LRRTM4: variants seen among roughly 807,000 people sequenced by gnomAD.
LRRTM4 encodes leucine rich repeat transmembrane neuronal 4.
Under a neutral mutation model 47.6 loss-of-function variants are expected in LRRTM4, and 25 were observed. The ratio of observed to expected loss-of-function variants is 0.53; its 90% confidence interval spans 0.38 to 0.73. LRRTM4 has a LOEUF of 0.73. LRRTM4 is among the 30% of genes least tolerant of loss of function. LRRTM4 has a pLI of 0.00. For synonymous variants in LRRTM4, 311 were observed against 269.5 expected, an observed-to-expected ratio of 1.15 and a Z score of -1.51; for missense variants, 638 against 713.4, an observed-to-expected ratio of 0.89 and a Z score of 1.20.
chr2:76,889,956 A>T (rs544312557), intron 3 of LRRTM4, among the ~76,000 whole-genome samples: 1 of 152,034 alleles, frequency 6.6e-6, no homozygotes, highest in Non-Finnish European at 1.5e-5. Flanking sequence ...CTGTTCTGTG[A>T]CCTAGTTGTA....
intron 3 of LRRTM4, among the ~76,000 whole-genome samples, chr2:77,291,207 G>A (rs1676813878): frequency 6.6e-6 from 1 of 151,920 alleles, no homozygotes; most frequent in Non-Finnish European, 1.5e-5. Context: ...GATTTATTAT[G>A]TCTCTCTGGT....
intron 3 of LRRTM4, among the ~76,000 whole-genome samples, chr2:77,103,662 T>TATATAC (rs1671017971): frequency 6.9e-6 from 1 of 145,302 alleles, no homozygotes; most frequent in African/African-American, 2.6e-5. Context: ...TATATATATA[T>TATATAC]AGATATATAT....
rs200272206 is a variant in LRRTM4, at chr2:77,170,796, A to G, written c.1551+347522T>C. Among the ~76,000 whole-genome samples, 132 of 139,866 alleles carry G rather than the reference A, an allele frequency of 9.4e-4. 1 individual carries two copies. In the Middle Eastern group the frequency reaches 0.012, roughly 12 times the overall value. The allele number at this position is 139,866 out of a possible 152,430, so 91.8% of individuals were successfully genotyped here. ...AGGAATTTCTTTCTTAGTTTTTTCTATGTCACTCAAAAAAAGGGTATGTAT... is the reference window on the plus strand; with the variant it reads ...AGGAATTTCTTTCTTAGTTTTTTCTGTGTCACTCAAAAAAAGGGTATGTAT... On this transcript the variant is annotated intron_variant, in intron 3 of 3. Transcript: ENST00000409884.
At chr2:77,103,217 C>A (rs147080662) in intron 3 of LRRTM4, among the ~76,000 whole-genome samples, 1 of 152,058 alleles carries the variant, frequency 6.6e-6, no homozygotes, top group Non-Finnish European at 1.5e-5. Context: ...AAGCTGCTAA[C>A]AAGGGAGGCT....
At chr2:77,342,509 T>C (rs1039631270) in intron 3 of LRRTM4, among the ~76,000 whole-genome samples, 2 of 151,942 alleles carry the variant, frequency 1.3e-5, no homozygotes, top group Admixed American at 6.6e-5. Context: ...GCTTAAAGTC[T>C]CCAGTTTGCC....
chr2:77,243,743 T>G (rs993600916), intron 3 of LRRTM4, among the ~76,000 whole-genome samples: 4 of 148,222 alleles, frequency 2.7e-5, no homozygotes, highest in Non-Finnish European at 5.9e-5. Flanking sequence ...AAGGGATAAT[T>G]GATACCATAT....
At chr2:77,189,823 A>G (rs1389953038) in intron 3 of LRRTM4, among the ~76,000 whole-genome samples, 1 of 152,124 alleles carries the variant, frequency 6.6e-6, no homozygotes, top group Non-Finnish European at 1.5e-5. Context: ...ATATAGTTAT[A>G]TACATAACTA....
At chr2:76,797,396 T>C (rs1396657396) in intron 3 of LRRTM4, among the ~76,000 whole-genome samples, 2 of 151,842 alleles carry the variant, frequency 1.3e-5, no homozygotes, top group Admixed American at 1.3e-4. Context: ...AATGAAATAC[T>C]TTACAGACAA....
At chr2:77,483,118 C>CAAAAAAAAAAAAAAAAAA (rs776265725) in intron 3 of LRRTM4, among the ~76,000 whole-genome samples, 8 of 60,594 alleles carry the variant, frequency 1.3e-4, no homozygotes, top group Non-Finnish European at 2.2e-4. Flanking sequence ...AAGACTGTCT[C>CAAAAAAAAAAAAAAAAAA]AAAAAAAAAA....
chr2:76,982,307 A>G (rs927986682), intron 3 of LRRTM4, among the ~76,000 whole-genome samples: 3 of 152,020 alleles, frequency 2.0e-5, no homozygotes, highest in African/African-American at 7.2e-5. Flanking sequence ...GTCATATCAA[A>G]ACAACTATAT....
chr2:76,775,703 A>G (rs1213064742), intron 3 of LRRTM4, among the ~76,000 whole-genome samples: 1 of 152,158 alleles, frequency 6.6e-6, no homozygotes, highest in African/African-American at 2.4e-5. Context: ...CAGTGGAGTT[A>G]GCCTATCCCT....
chr2:76,850,184 T>C (rs1671951351), intron 3 of LRRTM4, among the ~76,000 whole-genome samples: 1 of 152,334 alleles, frequency 6.6e-6, no homozygotes, highest in South Asian at 2.1e-4. Context: ...GTTTGTTTTT[T>C]TCTGCTGTCC....
chr2:77,493,182 C>T (rs1452601384), intron 3 of LRRTM4, among the ~76,000 whole-genome samples: 2 of 151,848 alleles, frequency 1.3e-5, no homozygotes, highest in Non-Finnish European at 2.9e-5. Context: ...GTGTTAAATA[C>T]GTTCATTATG....
intron 3 of LRRTM4, among the ~76,000 whole-genome samples, chr2:76,939,404 A>G (rs957863828): frequency 5.9e-5 from 9 of 152,156 alleles, no homozygotes; most frequent in Non-Finnish European, 1.3e-4. Flanking sequence ...TAGTAAAAGC[A>G]TGTCTGCTCT....
intron 3 of LRRTM4, among the ~76,000 whole-genome samples, chr2:77,239,809 G>A (rs930001084): frequency 2.0e-5 from 3 of 151,618 alleles, no homozygotes; most frequent in Non-Finnish European, 4.4e-5. Context: ...CCACAAATTT[G>A]GTTGAGGTCT....
intron 3 of LRRTM4, among the ~76,000 whole-genome samples, chr2:76,913,958 G>A (rs1032157816): frequency 5.3e-5 from 8 of 151,832 alleles, no homozygotes; most frequent in African/African-American, 1.7e-4. Flanking sequence ...TTTGAATATT[G>A]TTTAGAAATG....
intron 3 of LRRTM4, among the ~76,000 whole-genome samples, chr2:77,020,176 T>A (rs541733904): frequency 1.0e-5 from 1 of 100,204 alleles, no homozygotes; most frequent in Non-Finnish European, 1.8e-5. Flanking sequence ...ATAAGTAGTA[T>A]TAATAAAAAA....
intron 3 of LRRTM4, among the ~76,000 whole-genome samples, chr2:77,256,906 C>A (rs74653618): frequency 6.6e-6 from 1 of 151,944 alleles, no homozygotes; most frequent in African/African-American, 2.4e-5. Flanking sequence ...GACACAAAAA[C>A]CCTTAACAAG....
chr2:76,996,485 G>A (rs1677207505), intron 3 of LRRTM4, among the ~76,000 whole-genome samples: 1 of 151,932 alleles, frequency 6.6e-6, no homozygotes, highest in Admixed American at 6.6e-5. Context: ...GAAAATTATG[G>A]AGAAAAGACA....
Sources: allele counts gnomAD v4.1 joint callset (sites outside exome capture counted in the v4.1 genomes callset), GRCh38; gene constraint gnomAD v4.1.1; transcripts MANE v1.5; gene names NCBI Gene and HGNC (gene_info 2026-07-23, HGNC 2026-07-21).